GRM7: variants seen among roughly 807,000 people sequenced by gnomAD.
GRM7 encodes the protein glutamate metabotropic receptor 7.
A neutral mutation model predicts 84.5 loss-of-function variants in GRM7; 35 were observed. The observed-to-expected ratio is 0.41, with a 90% CI of 0.32 to 0.55. GRM7 has a LOEUF of 0.55. GRM7 is among the 20% of genes least tolerant of loss of function. GRM7 has a pLI of 0.19. For missense variants in GRM7, 1,003 were observed against 1,194.6 expected (o/e 0.84, Z 2.36); for synonymous variants, 487 against 455.1 (o/e 1.07, Z -0.89).
At chr3:7,132,018 T>A (rs1293072878) in intron 1 of GRM7, among the ~76,000 whole-genome samples, 3 of 152,188 alleles carry the variant, frequency 2.0e-5, no homozygotes, top group African/African-American at 7.2e-5. Flanking sequence ...TTTCTCTTCA[T>A]TGGGAAAGGC....
chr3:7,540,199 A>G (rs1490655068), intron 7 of GRM7, among the ~76,000 whole-genome samples: 2 of 152,178 alleles, frequency 1.3e-5, no homozygotes, highest in African/African-American at 4.8e-5. Context: ...AAAATGGGAT[A>G]ACCAGATGAC....
chr3:6,998,707 G>A (rs1052862253), intron 1 of GRM7, among the ~76,000 whole-genome samples: 1 of 152,200 alleles, frequency 6.6e-6, no homozygotes, highest in Non-Finnish European at 1.5e-5. Context: ...TGTACCTGCA[G>A]GCTCAACGCC....
chr3:7,213,435 G>GAA (rs1696496488), intron 2 of GRM7, among the ~76,000 whole-genome samples: 1 of 152,130 alleles, frequency 6.6e-6, no homozygotes. Context: ...ATCTCTTAAT[G>GAA]TTACAGACTG....
At chr3:7,241,892 C>T (rs1697571946) in intron 2 of GRM7, among the ~76,000 whole-genome samples, 1 of 152,130 alleles carries the variant, frequency 6.6e-6, no homozygotes, top group South Asian at 2.1e-4. Context: ...TATCATGCCC[C>T]AGGAGCAAGT....
chr3:7,361,623 G>C (rs1364959288), intron 4 of GRM7, among the ~76,000 whole-genome samples: 1 of 152,038 alleles, frequency 6.6e-6, no homozygotes, highest in Admixed American at 6.6e-5. Flanking sequence ...AGCCACTTCA[G>C]GAATACTATA....
chr3:7,177,520 G>A (rs79877152), intron 2 of GRM7, among the ~76,000 whole-genome samples: 2,518 of 149,388 alleles, frequency 0.017, 81 homozygotes, highest in African/African-American at 0.06. Flanking sequence ...GAATAAAGGA[G>A]GGAAGGAAGG....
At chr3:7,229,076 A>T (rs1372116374) in intron 2 of GRM7, among the ~76,000 whole-genome samples, 1 of 152,070 alleles carries the variant, frequency 6.6e-6, no homozygotes, top group Admixed American at 6.6e-5. Flanking sequence ...CTTATTTCTA[A>T]TGTCCATTGT....
intron 9 of GRM7, among the ~76,000 whole-genome samples, chr3:7,718,141 G>T (rs1701829926): frequency 6.6e-6 from 1 of 152,102 alleles, no homozygotes; most frequent in South Asian, 2.1e-4. Context: ...CTGCAAAATG[G>T]GAGAATGAAA....
intron 1 of GRM7, among the ~76,000 whole-genome samples, chr3:6,894,687 G>C (rs1331529918): frequency 2.0e-5 from 3 of 152,114 alleles, no homozygotes; most frequent in African/African-American, 4.8e-5. Flanking sequence ...GGGGAAGATA[G>C]GATGTAAACT....
intron 7 of GRM7, among the ~76,000 whole-genome samples, chr3:7,518,224 A>G (rs747013611): frequency 6.6e-6 from 1 of 152,210 alleles, no homozygotes; most frequent in Non-Finnish European, 1.5e-5. Context: ...AATGTCTTCA[A>G]CTAGGAAGGC....
intron 8 of GRM7, among the ~76,000 whole-genome samples, chr3:7,616,182 T>C (rs764347285): frequency 6.9e-4 from 105 of 152,242 alleles, no homozygotes; most frequent in Admixed American, 3.2e-3. Flanking sequence ...CAAAACAATG[T>C]CTCATGCTAA....
intron 4 of GRM7, among the ~76,000 whole-genome samples, chr3:7,315,558 C>A (rs1230923783): frequency 6.6e-6 from 1 of 152,132 alleles, no homozygotes; most frequent in Non-Finnish European, 1.5e-5. Flanking sequence ...TTTGTCCATC[C>A]TTCAGGTAGC....
At chr3:7,551,371 G>C (rs1693464607) in intron 7 of GRM7, among the ~76,000 whole-genome samples, 1 of 152,088 alleles carries the variant, frequency 6.6e-6, no homozygotes, top group Non-Finnish European at 1.5e-5. Context: ...TTCACACCCT[G>C]TGGGAATTGA....
intron 1 of GRM7, among the ~76,000 whole-genome samples, chr3:6,883,713 G>A (rs1008330163): frequency 6.6e-6 from 1 of 152,222 alleles, no homozygotes; most frequent in African/African-American, 2.4e-5. Context: ...GCCTAGGAAA[G>A]CTTCACAGCA....
chr3:7,605,940 A>C (rs1696543338), intron 8 of GRM7, among the ~76,000 whole-genome samples: 1 of 152,172 alleles, frequency 6.6e-6, no homozygotes, highest in South Asian at 2.1e-4. Flanking sequence ...ATAACACTTT[A>C]TAAAAACAGG....
intron 7 of GRM7, among the ~76,000 whole-genome samples, chr3:7,513,171 G>A (rs1559371799): frequency 1.3e-5 from 2 of 152,108 alleles, no homozygotes. Context: ...GCTGAAAAAT[G>A]TTTCCCTCTA....
intron 1 of GRM7, among the ~76,000 whole-genome samples, chr3:7,102,963 C>G (rs1699165452): frequency 6.6e-6 from 1 of 151,694 alleles, no homozygotes. Flanking sequence ...ATTTGACCAT[C>G]TTTTCCTTTA....
chr3:7,339,980 A>C, intron 4 of GRM7, among the ~76,000 whole-genome samples: 1 of 152,166 alleles, frequency 6.6e-6, no homozygotes, highest in East Asian at 1.9e-4. Context: ...TTGCATAGCT[A>C]AGAAATAACT....
intron 1 of GRM7, among the ~76,000 whole-genome samples, chr3:7,087,121 C>A (rs1055000200): frequency 6.6e-6 from 1 of 152,090 alleles, no homozygotes. Context: ...CAAAAACAAC[C>A]TCCAAATGAT....
Sources: gnomAD v4.1 joint callset for allele counts (sites outside exome capture counted in the v4.1 genomes callset) on GRCh38, gnomAD v4.1.1 for gene constraint, MANE v1.5 for transcripts, NCBI Gene and HGNC (gene_info 2026-07-23, HGNC 2026-07-21) for gene names.